The following HDAC9 variants were observed in gnomAD, a reference collection of about 807,000 sequenced individuals.
HDAC9 encodes MEF-2 interacting transcription repressor (MITR) protein.
A neutral mutation model predicts 139.4 loss-of-function variants in HDAC9; 41 were observed. That is an observed-to-expected ratio of 0.29 (90% CI 0.23 to 0.38). HDAC9 has a LOEUF of 0.38. HDAC9 is among the 10% of genes least tolerant of loss of function. The pLI is 1.00. For synonymous variants in HDAC9, 517 were observed against 476.2 expected (o/e 1.09, Z -1.12); for missense variants, 1,147 against 1,297.0 (o/e 0.88, Z 1.78).
chr7:18,141,512 C>G (rs1459453882), intron 1 of HDAC9, among the ~76,000 whole-genome samples: 1 of 152,084 alleles, frequency 6.6e-6, no homozygotes, highest in Non-Finnish European at 1.5e-5. Context: ...TAGGTGAGGA[C>G]TAACATCTCT....
chr7:18,713,527 T>C (rs1784493050), intron 12 of HDAC9, among the ~76,000 whole-genome samples: 1 of 152,166 alleles, frequency 6.6e-6, no homozygotes, highest in Non-Finnish European at 1.5e-5. Flanking sequence ...ACCACTCTTA[T>C]TTATCAATTA....
At chr7:18,484,720 G>A (rs750800215) in intron 1 of HDAC9, among the ~76,000 whole-genome samples, 4 of 152,074 alleles carry the variant, frequency 2.6e-5, no homozygotes, top group Non-Finnish European at 5.9e-5. Context: ...ACCAGGCATG[G>A]TGATGCATGC....
intron 6 of HDAC9, among the ~76,000 whole-genome samples, chr7:18,603,347 CATT>C (rs1267735870): frequency 4.6e-5 from 7 of 151,964 alleles, no homozygotes; most frequent in Admixed American, 4.6e-4. Flanking sequence ...CTGTTTTCTT[CATT>C]ATATTTACTT....
rs1398129224 is a variant in HDAC9, at chr7:18,732,694, CACACGT to C, written c.1909+4938_1909+4943del. Among the ~76,000 whole-genome samples the C allele has an allele frequency of 1.7e-4, 23 of 135,990 alleles. 5 individuals are homozygous for C. Among genetic ancestry groups the C allele is most frequent in the African/African-American group, 5.9e-4 (20 of 33,646 alleles). The allele number at this position is 135,990 out of a possible 152,430, so 89.2% of individuals were successfully genotyped here. On this transcript the variant is annotated intron_variant, in intron 13 of 25. Transcript: ENST00000686413. ...ATATGTGTGCGTATGTGTACACACA[CACACGT>C]GTATGTGTGCGTATGTGTACACACA...
intron 1 of HDAC9, among the ~76,000 whole-genome samples, chr7:18,422,669 G>A (rs1789733446): frequency 6.6e-6 from 1 of 151,568 alleles, no homozygotes; most frequent in Non-Finnish European, 1.5e-5. Flanking sequence ...AATCACTGTG[G>A]GGTTTGGACT....
At chr7:18,238,132 C>G (rs962733284) in intron 2 of HDAC9, among the ~76,000 whole-genome samples, 12 of 152,122 alleles carry the variant, frequency 7.9e-5, no homozygotes, top group African/African-American at 2.9e-4. Context: ...ATAAAAACTC[C>G]AAGTTCTCAA....
In HDAC9 at chr7:18,560,228, G is replaced by A. The variant is rs929417525; in HGVS notation, c.23-25053G>A. 2.0e-5 allele frequency among the ~76,000 whole-genome samples: 3 copies of A among 152,254 alleles called. No homozygotes were observed. The East Asian group carries it at 5.8e-4, about 29-fold the overall frequency. Reference sequence around the variant, plus strand: ...CTGTCAGCAGAGAGATATTGAGCATGGACCATAACTGGGCTCACTCCTGCT... The same window carrying A: ...CTGTCAGCAGAGAGATATTGAGCATAGACCATAACTGGGCTCACTCCTGCT... On this transcript the variant is annotated intron_variant, in intron 2 of 25. Transcript: ENST00000686413.
chr7:18,724,719 A>G (rs1271413889), intron 12 of HDAC9, among the ~76,000 whole-genome samples: 1 of 152,176 alleles, frequency 6.6e-6, no homozygotes, highest in South Asian at 2.1e-4. Context: ...TATGTGGTCT[A>G]TCCTTGACCA....
chr7:18,113,379 T>A (rs1267001436), intron 1 of HDAC9, among the ~76,000 whole-genome samples: 1 of 152,242 alleles, frequency 6.6e-6, no homozygotes, highest in African/African-American at 2.4e-5. Flanking sequence ...AGAGACAATT[T>A]GAAGGCGCCT....
At chr7:18,363,359 T>A (rs1264845617) in intron 1 of HDAC9, among the ~76,000 whole-genome samples, 1 of 152,144 alleles carries the variant, frequency 6.6e-6, no homozygotes, top group Non-Finnish European at 1.5e-5. Context: ...ATCCAGTAAT[T>A]GTGGGTTTTA....
At chr7:18,329,551 T>C (rs1356381450) in intron 1 of HDAC9, among the ~76,000 whole-genome samples, 2 of 145,902 alleles carry the variant, frequency 1.4e-5, no homozygotes, top group African/African-American at 2.5e-5. Context: ...AAATGTCATC[T>C]CTCCAAAAAA....
intron 24 of HDAC9, among the ~76,000 whole-genome samples, chr7:18,958,434 A>C (rs911739760): frequency 2.5e-4 from 38 of 152,302 alleles, no homozygotes; most frequent in African/African-American, 8.4e-4. Flanking sequence ...TTGTGGCACT[A>C]TTCACCATAG....
At chr7:18,568,551 A>G (rs1823219841) in intron 2 of HDAC9, among the ~76,000 whole-genome samples, 1 of 152,246 alleles carries the variant, frequency 6.6e-6, no homozygotes, top group Non-Finnish European at 1.5e-5. Context: ...AGAGCAAGCA[A>G]CAAAGTCTAA....
intron 22 of HDAC9, among the ~76,000 whole-genome samples, chr7:18,910,030 C>T (rs2129288762): frequency 6.6e-6 from 1 of 151,756 alleles, no homozygotes; most frequent in East Asian, 1.9e-4. Context: ...ATGATCTGTC[C>T]AATGCTGAGA....
intron 24 of HDAC9, among the ~76,000 whole-genome samples, chr7:18,960,041 C>CAG (rs1783424821): frequency 6.7e-6 from 1 of 148,592 alleles, no homozygotes; most frequent in African/African-American, 2.5e-5. Context: ...CACACACACA[C>CAG]AGAGTATTAT....
chr7:18,733,260 A>G (rs1322823015), intron 13 of HDAC9, among the ~76,000 whole-genome samples: 2 of 142,082 alleles, frequency 1.4e-5, no homozygotes, highest in African/African-American at 5.3e-5. Context: ...TATATAATGT[A>G]TATATACACA....
chr7:18,878,595 C>T (rs549403629), intron 22 of HDAC9, among the ~76,000 whole-genome samples: 46 of 152,180 alleles, frequency 3.0e-4, no homozygotes, highest in African/African-American at 1.0e-3. Context: ...AAAAGGCTTT[C>T]GATAAAATTC....
At chr7:18,872,985 G>A (rs1258267413) in intron 21 of HDAC9, among the ~76,000 whole-genome samples, 3 of 152,070 alleles carry the variant, frequency 2.0e-5, no homozygotes, top group Admixed American at 6.6e-5. Flanking sequence ...ATTAAATTGA[G>A]TATCTTGATA....
chr7:18,371,383 T>G (rs1784580519), intron 1 of HDAC9, among the ~76,000 whole-genome samples: 1 of 152,178 alleles, frequency 6.6e-6, no homozygotes. Flanking sequence ...AAAATCAACT[T>G]TTTTCCACTA....
Sources: gnomAD v4.1 joint callset for allele counts (sites outside exome capture counted in the v4.1 genomes callset) on GRCh38, gnomAD v4.1.1 for gene constraint, MANE v1.5 for transcripts, NCBI Gene and HGNC (gene_info 2026-07-23, HGNC 2026-07-21) for gene names.